CSMD2: variants seen among roughly 807,000 people sequenced by gnomAD.
The protein encoded by CSMD2 is CUB and sushi domain-containing protein 2.
A neutral mutation model predicts 398.5 loss-of-function variants in CSMD2; 130 were observed. The ratio of observed to expected loss-of-function variants is 0.33; its 90% CI spans 0.28 to 0.38. CSMD2 has a LOEUF of 0.38. CSMD2 is among the 10% of genes least tolerant of loss of function. The pLI is 1.00. For missense variants in CSMD2, 3,829 were observed against 4,764.9 expected, an observed-to-expected ratio of 0.80 and a Z score of 5.78; for synonymous variants, 1,828 against 1,908.5, an observed-to-expected ratio of 0.96 and a Z score of 1.10.
chr1:34,094,963 T>C (rs1659106687), intron 1 of CSMD2, among the ~76,000 whole-genome samples: 2 of 143,642 alleles, frequency 1.4e-5, no homozygotes, highest in Non-Finnish European at 3.0e-5. Flanking sequence ...TACATTTTTT[T>C]CAGCACCACA....
chr1:33,638,470 C>G (rs1452693071), intron 29 of CSMD2, among the ~76,000 whole-genome samples: 1 of 152,240 alleles, frequency 6.6e-6, no homozygotes, highest in Non-Finnish European at 1.5e-5. Context: ...CCATCAATAA[C>G]AGAACTCCAA....
intron 15 of CSMD2, among the ~76,000 whole-genome samples, chr1:33,731,529 A>G (rs1230082569): frequency 1.3e-5 from 2 of 152,216 alleles, no homozygotes; most frequent in African/African-American, 4.8e-5. Context: ...TGTGTTAAAC[A>G]ACCTCCCAGG....
rs1652950812 is a variant in CSMD2 at position 34,049,677 on chromosome 1, T to C, written c.405-16971A>G. ...AAGACAGTGGCAAGCTTTAAGGGAC[T>C]GACATGTGAAAACAAGTGAGGTATC... On this transcript the variant is annotated intron_variant, in intron 2 of 70. Coordinates refer to ENST00000373381, the MANE Select transcript of CSMD2 (RefSeq NM_001281956.2). Among the ~76,000 whole-genome samples the C allele has an allele frequency of 2.0e-5, 3 of 152,198 alleles. No individual in the cohort carries two copies. The South Asian group carries it at 6.2e-4, about 32-fold the overall frequency.
chr1:34,090,523 A>C (rs1449417304), intron 1 of CSMD2, among the ~76,000 whole-genome samples: 20 of 132,598 alleles, frequency 1.5e-4, no homozygotes, highest in South Asian at 2.6e-4. Context: ...CCCCCCACCC[A>C]CTCTCTCCTC....
intron 64 of CSMD2, among the ~76,000 whole-genome samples, chr1:33,531,281 C>T (rs1180396409): frequency 1.3e-5 from 2 of 152,068 alleles, no homozygotes; most frequent in African/African-American, 4.8e-5. Flanking sequence ...CAATAAAAAA[C>T]ACCACAATGA....
intron 2 of CSMD2, among the ~76,000 whole-genome samples, chr1:34,044,020 C>A (rs553697108): frequency 6.6e-6 from 1 of 152,208 alleles, no homozygotes; most frequent in African/African-American, 2.4e-5. Flanking sequence ...TCCCAGCCAT[C>A]GCCCCAGGAT....
At chr1:33,888,643 G>A (rs1299544276) in intron 5 of CSMD2, among the ~76,000 whole-genome samples, 1 of 152,152 alleles carries the variant, frequency 6.6e-6, no homozygotes, top group Non-Finnish European at 1.5e-5. Context: ...AATTCTGAGA[G>A]TTCCAGAATA....
chr1:34,159,614 G>T (rs1306757375), intron 1 of CSMD2, among the ~76,000 whole-genome samples: 1 of 152,240 alleles, frequency 6.6e-6, no homozygotes, highest in African/African-American at 2.4e-5. Flanking sequence ...GCGTGGATAA[G>T]TTATGTGTCC....
intron 9 of CSMD2, among the ~76,000 whole-genome samples, chr1:33,816,786 T>C (rs1156359519): frequency 6.6e-6 from 1 of 152,204 alleles, no homozygotes; most frequent in Non-Finnish European, 1.5e-5. Flanking sequence ...CAGTCCCATA[T>C]TGTTCATTCA....
Position 33,600,919 on chromosome 1 carries a change from G to A in CSMD2, c.6802C>T (p.Leu2268Phe), listed in dbSNP as rs1640169218. ...TVQSSSNQVL[L>F]KFHRDAATGG... ...GTGGCTGCATCACGGTGGAACTTGA[G>A]CAGGACCTGGTTGGATGAACTCTGC... The change falls in exon 44 of 71, where the codon CTC becomes TTC. Residue 2268 changes from leucine (L) to phenylalanine (F), a missense_variant. By Grantham distance (22) the Leu-to-Phe change is conservative (BLOSUM62 0). Transcript: ENST00000373381. 3 of 1,614,146 alleles carry A rather than the reference G, an allele frequency of 1.9e-6. No homozygotes were observed. Among genetic ancestry groups the A allele is most frequent in the Non-Finnish European group, 2.5e-6 (3 of 1,180,036 alleles).
At chr1:33,600,303 A>G (rs191784537) in intron 44 of CSMD2, 7 of 612,946 alleles carry the variant, frequency 1.1e-5, no homozygotes, top group Non-Finnish European at 2.1e-5. Flanking sequence ...AGAACATTCT[A>G]TAAGTTTCTC....
rs551415553 is a variant in CSMD2, at chr1:33,772,939, G to A, written c.1664-188C>T. ...AAATCCTGCAATGTCCTGTTTCATC[G>A]CAGCATCCTAGGATGAATGGGCTTC... On this transcript the variant is annotated intron_variant, in intron 12 of 70. Transcript: ENST00000373381. Among the ~76,000 whole-genome samples, 13 of 152,256 alleles carry A rather than the reference G, an allele frequency of 8.5e-5. 1 individual carries two copies. The highest frequency in any genetic ancestry group is 3.4e-3 in the Middle Eastern group (1 of 294).
At position 33,605,933 on chromosome 1, in the gene CSMD2, C is replaced by G. The variant is rs202113840; in HGVS notation, c.6344-463G>C. The G allele has an allele frequency of 1.6e-4, 260 of 1,613,896 alleles. 1 individual carries two copies. The Middle Eastern group carries it at 2.0e-3, about 12-fold the overall frequency. ...GAGGAGTTGAGTTGGTTCTTTCCAA[C>G]TCCGAGAGATCAAAACCTCTCAGGA... On this transcript the variant is annotated intron_variant, in intron 41 of 70. Coordinates refer to ENST00000373381, the MANE Select transcript of CSMD2 (RefSeq NM_001281956.2).
intron 10 of CSMD2, among the ~76,000 whole-genome samples, chr1:33,796,377 A>C (rs1654949455): frequency 6.6e-6 from 1 of 152,228 alleles, no homozygotes; most frequent in African/African-American, 2.4e-5. Context: ...ATTTCATTTT[A>C]ATATGGACAT....
chr1:33,587,481 A>G (rs970745355), intron 44 of CSMD2, among the ~76,000 whole-genome samples: 11 of 152,158 alleles, frequency 7.2e-5, no homozygotes, highest in African/African-American at 2.7e-4. Flanking sequence ...TGCCACTCTA[A>G]CCCTCACAAC....
intron 5 of CSMD2, among the ~76,000 whole-genome samples, chr1:33,889,165 C>A (rs549805611): frequency 2.0e-5 from 3 of 152,244 alleles, no homozygotes; most frequent in East Asian, 1.9e-4. Flanking sequence ...ATTGATAAAA[C>A]CTTTTTACAA....
chr1:33,642,513 GGA>G (rs1390164357), intron 29 of CSMD2, among the ~76,000 whole-genome samples: 5 of 152,166 alleles, frequency 3.3e-5, no homozygotes, highest in Non-Finnish European at 1.5e-5. Context: ...GAGGCAGGGA[GGA>G]GAGAGAACGA....
intron 25 of CSMD2, among the ~76,000 whole-genome samples, chr1:33,668,199 G>C (rs1644376935): frequency 6.6e-6 from 1 of 152,206 alleles, no homozygotes; most frequent in Non-Finnish European, 1.5e-5. Context: ...GGCCAGGAGA[G>C]GTAGGCAGGG....
intron 32 of CSMD2, among the ~76,000 whole-genome samples, chr1:33,629,521 T>C (rs1168603975): frequency 6.6e-6 from 1 of 152,164 alleles, no homozygotes; most frequent in Non-Finnish European, 1.5e-5. Context: ...ATATCATAAC[T>C]GTAATGGGAA....
Sources: gnomAD v4.1 joint callset for allele counts (sites outside exome capture counted in the v4.1 genomes callset) on GRCh38, gnomAD v4.1.1 for gene constraint, MANE v1.5 for transcripts, NCBI Gene and HGNC (gene_info 2026-07-23, HGNC 2026-07-21) for gene names.